The following LCLAT1 variants were observed in gnomAD, a reference collection of about 807,000 sequenced individuals.
The protein encoded by LCLAT1 is 1-AGP acyltransferase 8.
Under a neutral mutation model 30.7 loss-of-function variants are expected in LCLAT1, and 11 were observed. The ratio of observed to expected loss-of-function variants is 0.36; its 90% CI spans 0.23 to 0.59. LCLAT1 has a LOEUF of 0.59. Among genes scored for constraint, LCLAT1 ranks in the 20% least tolerant of loss-of-function variants. LCLAT1 has a pLI of 0.77. For missense variants in LCLAT1, 402 were observed against 458.6 expected (o/e 0.88, Z 1.13); for synonymous variants, 155 against 151.3 (o/e 1.02, Z -0.18).
chr2:30,529,997 G>T (rs767074615), intron 2 of LCLAT1, among the ~76,000 whole-genome samples: 1 of 152,158 alleles, frequency 6.6e-6, no homozygotes, highest in Non-Finnish European at 1.5e-5. Flanking sequence ...ATCTTGAGAG[G>T]AACCACTCTC....
At chr2:30,620,221 A>G (rs1668175503) in intron 5 of LCLAT1, among the ~76,000 whole-genome samples, 1 of 152,086 alleles carries the variant, frequency 6.6e-6, no homozygotes, top group South Asian at 2.1e-4. Context: ...ATAACCCAGT[A>G]TTTATTTCCC....
At chr2:30,550,337 C>G (rs753794714) in intron 3 of LCLAT1, among the ~76,000 whole-genome samples, 63 of 152,334 alleles carry the variant, frequency 4.1e-4, no homozygotes, top group South Asian at 8.3e-4. Context: ...TTTATTCAGA[C>G]TTCACCAATT....
intron 1 of LCLAT1, among the ~76,000 whole-genome samples, chr2:30,450,481 T>G (rs971958885): frequency 6.6e-6 from 1 of 152,162 alleles, no homozygotes; most frequent in Non-Finnish European, 1.5e-5. Flanking sequence ...GCTTCCACTT[T>G]ATGCTACAAA....
intron 4 of LCLAT1, 57 bp downstream of exon 4, chr2:30,562,349 C>G (rs1049142061): frequency 7.1e-7 from 1 of 1,411,264 alleles, no homozygotes. Context: ...CTTCTCATTT[C>G]TCAGATGAAG....
intron 1 of LCLAT1, among the ~76,000 whole-genome samples, chr2:30,470,915 C>CTTTT (rs35399245): frequency 7.4e-6 from 1 of 135,766 alleles, no homozygotes; most frequent in Non-Finnish European, 1.6e-5. Flanking sequence ...TTTATTCATT[C>CTTTT]TTTTTTTTTT....
intron 1 of LCLAT1, among the ~76,000 whole-genome samples, chr2:30,491,910 G>A (rs941804888): frequency 6.6e-6 from 1 of 152,048 alleles, no homozygotes; most frequent in African/African-American, 2.4e-5. Context: ...ATTTGCTGTT[G>A]GATTTACTCT....
At chr2:30,572,488 A>G (rs376622141) in intron 5 of LCLAT1, among the ~76,000 whole-genome samples, 16 of 152,268 alleles carry the variant, frequency 1.1e-4, no homozygotes, top group African/African-American at 3.6e-4. Context: ...TACTTCTTTC[A>G]CCATTCATAC....
chr2:30,465,605 T>C (rs1470239465), intron 1 of LCLAT1, among the ~76,000 whole-genome samples: 3 of 152,250 alleles, frequency 2.0e-5, no homozygotes, highest in Admixed American at 2.0e-4. Flanking sequence ...ACTTAATTCT[T>C]ATCTACTCTT....
intron 3 of LCLAT1, among the ~76,000 whole-genome samples, chr2:30,550,800 C>T (rs1295619156): frequency 6.6e-6 from 1 of 152,124 alleles, no homozygotes; most frequent in African/African-American, 2.4e-5. Context: ...TCCTGGAGTG[C>T]AGACTATTTA....
intron 1 of LCLAT1, among the ~76,000 whole-genome samples, chr2:30,453,220 C>T (rs1317371723): frequency 6.6e-6 from 1 of 151,926 alleles, no homozygotes; most frequent in Non-Finnish European, 1.5e-5. Flanking sequence ...GGTGGTATCA[C>T]AAAGAAAGGA....
At chr2:30,619,079 A>G (rs895019627) in intron 5 of LCLAT1, among the ~76,000 whole-genome samples, 2 of 152,156 alleles carry the variant, frequency 1.3e-5, no homozygotes, top group South Asian at 2.1e-4. Context: ...ACACCTAATG[A>G]CTTGGGTAAT....
chr2:30,533,339 A>T, intron 3 of LCLAT1, 25 bp downstream of exon 3: 2 of 1,589,818 alleles, frequency 1.3e-6, no homozygotes, highest in Non-Finnish European at 1.7e-6. Flanking sequence ...CATTATTTTA[A>T]GTGGTTCATT....
chr2:30,462,088 C>T (rs960703901), intron 1 of LCLAT1, among the ~76,000 whole-genome samples: 4 of 152,138 alleles, frequency 2.6e-5, no homozygotes, highest in African/African-American at 7.2e-5. Context: ...AAACTTTTAT[C>T]ACATCATTTT....
At chr2:30,605,892 C>A (rs1282359694) in intron 5 of LCLAT1, 1 of 482,516 alleles carries the variant, frequency 2.1e-6, no homozygotes, top group Non-Finnish European at 3.1e-6. Context: ...CACCTCAGAT[C>A]ATCAGGCATT....
intron 1 of LCLAT1, among the ~76,000 whole-genome samples, chr2:30,501,106 G>GTGTGTT: frequency 1.3e-5 from 2 of 151,848 alleles, no homozygotes; most frequent in African/African-American, 4.8e-5. Flanking sequence ...GTATGTGTGT[G>GTGTGTT]TGTGTGTGTG....
intron 5 of LCLAT1, among the ~76,000 whole-genome samples, chr2:30,635,977 T>C (rs994042864): frequency 7.9e-5 from 12 of 152,174 alleles, no homozygotes; most frequent in African/African-American, 2.4e-4. Context: ...CTTAATGTAC[T>C]TGAGCATCTA....
At chr2:30,515,540 TAA>T (rs1685138629) in intron 1 of LCLAT1, among the ~76,000 whole-genome samples, 1 of 152,206 alleles carries the variant, frequency 6.6e-6, no homozygotes, top group South Asian at 2.1e-4. Context: ...GTGAGGTTAT[TAA>T]GATTGTTGTT....
At chr2:30,572,863 C>CT (rs1292214792) in intron 5 of LCLAT1, among the ~76,000 whole-genome samples, 1 of 151,632 alleles carries the variant, frequency 6.6e-6, no homozygotes, top group Non-Finnish European at 1.5e-5. Flanking sequence ...CTCCATTTCT[C>CT]TAATCTTTAA....
chr2:30,467,399 T>TAC (rs1274723713), intron 1 of LCLAT1, among the ~76,000 whole-genome samples: 6 of 152,020 alleles, frequency 3.9e-5, no homozygotes, highest in Non-Finnish European at 5.9e-5. Context: ...ACAATAAACA[T>TAC]GTGTGCATGT....
Sources: allele counts gnomAD v4.1 joint callset (sites outside exome capture counted in the v4.1 genomes callset), GRCh38; gene constraint gnomAD v4.1.1; transcripts MANE v1.5; gene names NCBI Gene and HGNC (gene_info 2026-07-23, HGNC 2026-07-21).